The following GALNT18 variants were observed in gnomAD, a reference collection of about 807,000 sequenced individuals.
GALNT18 encodes GalNAc-transferase 18.
A neutral mutation model predicts 69.5 loss-of-function variants in GALNT18; 44 were observed. The observed-to-expected ratio is 0.63, with a 90% CI of 0.50 to 0.81. GALNT18 has a LOEUF of 0.81. Among genes scored for constraint, GALNT18 ranks in the 40% least tolerant of loss-of-function variants. The probability of loss-of-function intolerance (pLI) is 0.00; values close to 1 mark genes in which losing one functional copy is unlikely to be tolerated. For missense variants in GALNT18, 715 were observed against 810.0 expected, an observed-to-expected ratio of 0.88 and a Z score of 1.42; for synonymous variants, 364 against 318.2, an observed-to-expected ratio of 1.14 and a Z score of -1.53.
intron 2 of GALNT18, among the ~76,000 whole-genome samples, chr11:11,446,796 G>A (rs2133816743): frequency 6.6e-6 from 1 of 152,302 alleles, no homozygotes; most frequent in Non-Finnish European, 1.5e-5. Flanking sequence ...ATCTGCTCAA[G>A]CCCTTCCCAT....
At chr11:11,482,951 A>G (rs1856565366) in intron 1 of GALNT18, among the ~76,000 whole-genome samples, 1 of 152,182 alleles carries the variant, frequency 6.6e-6, no homozygotes, top group Admixed American at 6.5e-5. Flanking sequence ...CCCAGCCCAG[A>G]CCTACCTCAT....
intron 1 of GALNT18, among the ~76,000 whole-genome samples, chr11:11,476,917 A>G (rs2133862722): frequency 6.6e-6 from 1 of 152,380 alleles, no homozygotes; most frequent in East Asian, 1.9e-4. Context: ...TGATTCACTT[A>G]GATTGAGGGA....
rs1328056655 is a variant in GALNT18 at position 11,541,723 on chromosome 11, T to C, written c.235+79636A>G. Among the ~76,000 whole-genome samples the C allele has an allele frequency of 6.6e-6, 1 of 151,994 alleles. No homozygotes were observed. Among genetic ancestry groups the C allele is most frequent in the Non-Finnish European group, 1.5e-5 (1 of 68,018 alleles). ...CTCTATTGCCCCAAAGCGTCGCTAGTAGCCTTGGGGATTCCTCCCTTCAGC... is the reference window on the plus strand; with the variant it reads ...CTCTATTGCCCCAAAGCGTCGCTAGCAGCCTTGGGGATTCCTCCCTTCAGC... On this transcript the variant is annotated intron_variant, in intron 1 of 10. Transcript: ENST00000227756. This position sits in a 1 kb window ranked among gnomAD's most constrained non-coding sequence, Gnocchi z 4.8.
At chr11:11,390,326 CCAGCT>C (rs1411726351) in intron 3 of GALNT18, among the ~76,000 whole-genome samples, 1 of 152,194 alleles carries the variant, frequency 6.6e-6, no homozygotes, top group Non-Finnish European at 1.5e-5. Flanking sequence ...CTCCCCTGTC[CCAGCT>C]CAGCTTCTGT....
chr11:11,585,456 A>G (rs1206652465), intron 1 of GALNT18, among the ~76,000 whole-genome samples: 2 of 151,978 alleles, frequency 1.3e-5, no homozygotes, highest in Admixed American at 1.3e-4. Context: ...CCCAGGTTCA[A>G]ACGATTTTCC....
intron 3 of GALNT18, among the ~76,000 whole-genome samples, chr11:11,397,428 G>T (rs951812898): frequency 2.0e-5 from 3 of 152,094 alleles, no homozygotes; most frequent in African/African-American, 7.2e-5. Flanking sequence ...GAAGAAAAAG[G>T]GAGGAAACCC....
chr11:11,503,673 T>C (rs1366214952), intron 1 of GALNT18, among the ~76,000 whole-genome samples: 1 of 152,266 alleles, frequency 6.6e-6, no homozygotes, highest in Non-Finnish European at 1.5e-5. Flanking sequence ...GAGTCAAAAC[T>C]ACTACAGTGC....
At chr11:11,532,896 T>C (rs1323139872) in intron 1 of GALNT18, among the ~76,000 whole-genome samples, 1 of 152,244 alleles carries the variant, frequency 6.6e-6, no homozygotes, top group Non-Finnish European at 1.5e-5. Context: ...ATGCTGCTGA[T>C]GGAAACTAAA....
intron 3 of GALNT18, among the ~76,000 whole-genome samples, chr11:11,412,634 T>C (rs948832819): frequency 6.6e-6 from 1 of 152,206 alleles, no homozygotes; most frequent in Non-Finnish European, 1.5e-5. Flanking sequence ...CCTGTGTAGA[T>C]TTGGACACAG....
At chr11:11,515,096 G>T (rs1385512072) in intron 1 of GALNT18, among the ~76,000 whole-genome samples, 1 of 152,154 alleles carries the variant, frequency 6.6e-6, no homozygotes, top group Non-Finnish European at 1.5e-5. Flanking sequence ...CTAGCTGCGG[G>T]TCTTTGAGCA....
At chr11:11,386,536 G>A (rs555372172) in intron 3 of GALNT18, among the ~76,000 whole-genome samples, 5 of 152,180 alleles carry the variant, frequency 3.3e-5, no homozygotes, top group Non-Finnish European at 2.9e-5. Context: ...CGCATAATGT[G>A]TATGGATGTG....
chr11:11,535,639 G>A (rs74343187), intron 1 of GALNT18, among the ~76,000 whole-genome samples: 4 of 152,238 alleles, frequency 2.6e-5, no homozygotes, highest in East Asian at 1.9e-4. Context: ...CTCAGATGCC[G>A]TTGGCCAGAC....
chr11:11,419,994 G>A (rs1247413880), intron 3 of GALNT18, among the ~76,000 whole-genome samples: 1 of 152,156 alleles, frequency 6.6e-6, no homozygotes, highest in Non-Finnish European at 1.5e-5. Flanking sequence ...ATGAATGCAT[G>A]ACTGTAAGAG....
intron 1 of GALNT18, among the ~76,000 whole-genome samples, chr11:11,548,610 A>G (rs932289495): frequency 6.6e-6 from 1 of 152,320 alleles, no homozygotes; most frequent in East Asian, 1.9e-4. Flanking sequence ...CCATCTGCAC[A>G]AAATCATTCA....
chr11:11,292,999 G>A lies in GALNT18; in HGVS notation c.1677+30C>T, dbSNP rs76712184. The A allele has an allele frequency of 6.0e-3, 8,037 of 1,339,750 alleles. 89 individuals carry two copies. The highest frequency in any genetic ancestry group is 0.039 in the Middle Eastern group (194 of 4,966). The allele number at this position is 1,339,750 out of a possible 1,614,324, so 83.0% of individuals were successfully genotyped here. A position where few individuals can be genotyped will look rare whatever the true frequency, so the allele number is the denominator to read the frequency against. ...ACTCTCCTGGTTTTCCACGATGGCTGCCACTGTGCCCGGGCTCTGGGGCTG... is the reference window on the plus strand; with the variant it reads ...ACTCTCCTGGTTTTCCACGATGGCTACCACTGTGCCCGGGCTCTGGGGCTG... On this transcript the variant is annotated intron_variant, in intron 10 of 10. Transcript: ENST00000227756.
At chr11:11,456,852 C>T (rs1855935705) in intron 1 of GALNT18, among the ~76,000 whole-genome samples, 1 of 152,176 alleles carries the variant, frequency 6.6e-6, no homozygotes, top group Non-Finnish European at 1.5e-5. Context: ...AATGTGGTCT[C>T]AGTGATATGC....
intron 9 of GALNT18, among the ~76,000 whole-genome samples, chr11:11,316,239 G>T (rs1849750495): frequency 6.6e-6 from 1 of 152,144 alleles, no homozygotes; most frequent in Non-Finnish European, 1.5e-5. Flanking sequence ...TTTCCAAACT[G>T]CACAGCCACC....
chr11:11,464,318 G>A (rs1383646709), intron 1 of GALNT18, among the ~76,000 whole-genome samples: 5 of 152,198 alleles, frequency 3.3e-5, no homozygotes, highest in Non-Finnish European at 7.3e-5. Context: ...GGAGACTCGA[G>A]GTCTCCTAGG....
At chr11:11,360,836 G>C (rs1350613645) in intron 6 of GALNT18, among the ~76,000 whole-genome samples, 1 of 151,176 alleles carries the variant, frequency 6.6e-6, no homozygotes, top group Admixed American at 6.6e-5. Context: ...TCATTGATTG[G>C]AGAAAAAAAA....
Sources: gnomAD v4.1 joint callset for allele counts (sites outside exome capture counted in the v4.1 genomes callset) on GRCh38, gnomAD v4.1.1 for gene constraint, Gnocchi (gnomAD v3.1) non-coding constraint, MANE v1.5 for transcripts, NCBI Gene and HGNC (gene_info 2026-07-23, HGNC 2026-07-21) for gene names.